MYLK4: variants seen among roughly 807,000 people sequenced by gnomAD.
MYLK4 encodes the protein myosin light chain kinase family member 4.
Under a neutral mutation model 48.1 loss-of-function variants are expected in MYLK4, and 46 were observed. That is an observed-to-expected ratio of 0.96 (90% CI 0.75 to 1.22). The LOEUF (loss-of-function observed/expected upper bound fraction) is 1.22. MYLK4 is among the 50% of genes most tolerant of loss of function. The pLI, the probability that MYLK4 is intolerant of heterozygous loss-of-function variation, is 0.00. For synonymous variants in MYLK4, 170 were observed against 180.8 expected, an observed-to-expected ratio of 0.94 and a Z score of 0.48; for missense variants, 451 against 486.1, an observed-to-expected ratio of 0.93 and a Z score of 0.68.
chr6:2,745,319 C>T (rs560945041), intron 2 of MYLK4, among the ~76,000 whole-genome samples: 2 of 152,114 alleles, frequency 1.3e-5, no homozygotes, highest in East Asian at 3.9e-4. Flanking sequence ...GAAAAAAAAC[C>T]CAGATTCAAC....
intron 11 of MYLK4, 119 bp from the exon 12 acceptor site, chr6:2,671,467 G>T: frequency 1.1e-6 from 1 of 914,988 alleles, no homozygotes; most frequent in African/African-American, 1.6e-5. Context: ...TTCAAGAGAA[G>T]TTCTTGAAGC....
upstream of MYLK4, among the ~76,000 whole-genome samples, chr6:2,753,751 T>C (rs1207994276): frequency 1.3e-5 from 2 of 151,998 alleles, no homozygotes; most frequent in East Asian, 3.9e-4. Flanking sequence ...GATATAAAAA[T>C]GGTTAATAAG....
In MYLK4 at chr6:2,679,214, A is replaced by G. The variant is rs1761202079; in HGVS notation, c.887+66T>C. The G allele has an allele frequency of 1.9e-6, 3 of 1,589,422 alleles. No homozygotes were observed. The South Asian group carries it at 3.4e-5, about 18-fold the overall frequency. On this transcript the variant is annotated intron_variant, in intron 9 of 12. Transcript: ENST00000274643. ...ACCCCAATTGGGGCTTTTATTTAAA[A>G]CGGCAAAACCTCAGAAAATATGCAT...
intron 3 of MYLK4, 114 bp from the exon 4 acceptor site, chr6:2,689,070 C>A: frequency 1.3e-6 from 1 of 770,886 alleles, no homozygotes; most frequent in Non-Finnish European, 2.2e-6. Flanking sequence ...ATACAAGGAG[C>A]CATCTGTTTG....
intron 2 of MYLK4, among the ~76,000 whole-genome samples, chr6:2,693,938 C>T (rs960490437): frequency 8.6e-5 from 13 of 151,882 alleles, no homozygotes; most frequent in African/African-American, 3.1e-4. Flanking sequence ...TTTGTATTTT[C>T]AGTAGAGACG....
rs112054639 is a variant in MYLK4 at position 2,670,781 on chromosome 6, C to A, written c.*25+495G>T. Among the ~76,000 whole-genome samples the A allele has an allele frequency of 9.9e-5, 15 of 152,188 alleles. 1 individual carries two copies. The highest frequency in any genetic ancestry group is 3.4e-4 in the African/African-American group (14 of 41,528). ...AGCTCAGGGGATTAAAAAACATGGG[C>A]TTCAGCTTCAGAAACACCCGAGGGA... On this transcript the variant is annotated intron_variant, in intron 12 of 12. Coordinates refer to ENST00000274643, the MANE Select transcript of MYLK4 (RefSeq NM_001012418.5).
At chr6:2,675,230 G>A (rs532520523) in intron 10 of MYLK4, 105 bp from the exon 11 acceptor site, 23 of 779,796 alleles carry the variant, frequency 2.9e-5, no homozygotes, top group African/African-American at 1.8e-4. Flanking sequence ...CCAGATGGCC[G>A]AATGTCAACT....
chr6:2,748,122 C>A (rs1186790384), intron 2 of MYLK4, among the ~76,000 whole-genome samples: 1 of 152,150 alleles, frequency 6.6e-6, no homozygotes, highest in Non-Finnish European at 1.5e-5. Context: ...AGTAGCTGGG[C>A]AAAGAAGGAT....
rs1326699621 is a variant in MYLK4, at chr6:2,695,347, T to C, written c.160-2488A>G. 2.0e-5 allele frequency among the ~76,000 whole-genome samples: 3 copies of C among 152,210 alleles called. No individual in the cohort carries two copies. In the South Asian group the frequency reaches 6.2e-4, roughly 32 times the overall value. On this transcript the variant is annotated intron_variant, in intron 2 of 12. Transcript: ENST00000274643. ...CAGTCAATTTCTACTCATAAAAGTA[T>C]ATAAAATTGAGCAGCTGGCTGTAAG...
rs777193012 is a variant in MYLK4, at chr6:2,678,324, C to G, written c.936G>C (p.Leu312=). 3 of 1,613,930 alleles carry G rather than the reference C, an allele frequency of 1.9e-6. No individual in the cohort carries two copies. The highest frequency in any genetic ancestry group is 2.5e-6 in the Non-Finnish European group (3 of 1,180,034). ...CCCACCTGCAGGCCAGGATGTTGTTCAGCGTCTCAGCATCATTGTCACCCA... is the reference window on the plus strand; with the variant it reads ...CCCACCTGCAGGCCAGGATGTTGTTGAGCGTCTCAGCATCATTGTCACCCA... ...PFLGDNDAET[L]NNILACRWDL... Residue 312 remains leucine, a synonymous_variant, in exon 10 of 13, where the codon CTG becomes CTC. Transcript: ENST00000274643.
At chr6:2,694,509 G>GTAGTGCTGC (rs1561845866) in intron 2 of MYLK4, among the ~76,000 whole-genome samples, 4 of 53,758 alleles carry the variant, frequency 7.4e-5, no homozygotes, top group Admixed American at 2.1e-4. Context: ...GGTGGTGGTG[G>GTAGTGCTGC]TGGCGGTGGT....
At chr6:2,765,751 C>T in the MYLK4 span, 5 of 1,498,400 alleles carry the variant, frequency 3.3e-6, no homozygotes, top group African/African-American at 1.4e-5. Flanking sequence ...TGCTGCTCCA[C>T]CCGGCGGGGC....
At chr6:2,681,848 T>C (rs1409550745) in intron 7 of MYLK4, among the ~76,000 whole-genome samples, 1 of 152,226 alleles carries the variant, frequency 6.6e-6, no homozygotes, top group Non-Finnish European at 1.5e-5. Flanking sequence ...TGACTTACAA[T>C]AGGTTTGCTC....
chr6:2,678,169 G>A, intron 10 of MYLK4, 51 bp downstream of exon 10: 1 of 1,591,230 alleles, frequency 6.3e-7, no homozygotes, highest in Non-Finnish European at 8.6e-7. Context: ...GGTAGGCCCT[G>A]CTTCCTTATC....
At chr6:2,719,936 G>A (rs545801340) in intron 2 of MYLK4, among the ~76,000 whole-genome samples, 79 of 152,070 alleles carry the variant, frequency 5.2e-4, no homozygotes, top group African/African-American at 1.8e-3. Flanking sequence ...TCAGGAGTTC[G>A]AGACCAGCCT....
the MYLK4 span, chr6:2,765,638 C>A: frequency 6.5e-7 from 1 of 1,540,778 alleles, no homozygotes; most frequent in Non-Finnish European, 8.7e-7. Context: ...GGTGAGCGGG[C>A]CGGAAGACGA....
chr6:2,679,397 C>T lies in MYLK4; in HGVS notation c.770G>A (p.Arg257Lys). 1.9e-6 allele frequency: 3 copies of T among 1,614,164 alleles called. No homozygotes were observed. The highest frequency in any genetic ancestry group is 1.7e-6 in the Non-Finnish European group (2 of 1,180,014). ...TCCAAAGTTCACCTTCAGCTTCTCT[C>T]TGGGTTTGTATCTGCAATTTAAGAG... is the stretch of plus-strand genomic sequence containing the variant. ...DFGLARRYKPREKLKVNFGTP... is the reference protein window; with the variant it reads ...DFGLARRYKPKEKLKVNFGTP... The change falls in exon 9 of 13, where the codon AGA (arginine) becomes AAA (lysine). Residue 257 changes from arginine (R) to lysine (K), a missense_variant. Arg to Lys is a conservative substitution (Grantham distance 26). Transcript: ENST00000274643.
chr6:2,673,792 G>C lies in MYLK4; in HGVS notation c.1119+1255C>G, dbSNP rs1352244687. Among the ~76,000 whole-genome samples the C allele has an allele frequency of 6.6e-6, 1 of 152,240 alleles. No homozygotes were observed. Among genetic ancestry groups the C allele is most frequent in the African/African-American group, 2.4e-5 (1 of 41,466 alleles). ...CAGAGAAGCCAGTTAGGAGGCTGCA[G>C]TCACTCAGGGGAGGCATGTCCCAGG... On this transcript the variant is annotated intron_variant, in intron 11 of 12. Coordinates refer to ENST00000274643, the MANE Select transcript of MYLK4 (RefSeq NM_001012418.5). The surrounding 1 kb of genome is among the most constrained non-coding windows in gnomAD (Gnocchi z 4.2).
chr6:2,766,096 C>A, the MYLK4 span: 4 of 1,314,976 alleles, frequency 3.0e-6, no homozygotes, highest in African/African-American at 4.6e-5. Context: ...GCAGCTGGGA[C>A]GAGGCGGAGG....
Sources: allele counts gnomAD v4.1 joint callset (sites outside exome capture counted in the v4.1 genomes callset), GRCh38; gene constraint gnomAD v4.1.1; non-coding constraint Gnocchi (gnomAD v3.1); transcripts MANE v1.5; gene names NCBI Gene and HGNC (gene_info 2026-07-23, HGNC 2026-07-21).